Variants in ZFHX3 observed in about 807,000 individuals in gnomAD.
ZFHX3 encodes the protein zinc finger homeobox 3, also known as zinc finger homeobox protein 3.
ZFHX3 carries 42 observed loss-of-function variants against 279.1 expected under a neutral mutation model. The ratio of observed to expected loss-of-function variants is 0.15; its 90% CI spans 0.12 to 0.19. The LOEUF (loss-of-function observed/expected upper bound fraction) is 0.19, where lower values mean the gene tolerates loss of function less well. ZFHX3 is among the 10% of genes least tolerant of loss of function. The pLI is 1.00. For missense variants in ZFHX3, 4,981 were observed against 4,754.0 expected (o/e 1.05, Z -1.40); for synonymous variants, 2,293 against 1,957.8 (o/e 1.17, Z -4.52).
At chr16:73,049,313 G>A (rs1209605555), upstream of ZFHX3, among the ~76,000 whole-genome samples, 1 of 152,196 alleles carries the variant, frequency 6.6e-6, no homozygotes, top group Non-Finnish European at 1.5e-5. Context: ...TTACAGCCTG[G>A]AGAGTCTTTT....
intron 2 of ZFHX3, among the ~76,000 whole-genome samples, chr16:73,601,534 C>G (rs1417891473): frequency 6.6e-6 from 1 of 151,430 alleles, no homozygotes; most frequent in African/African-American, 2.4e-5. Flanking sequence ...TTTTACTTTC[C>G]TTTTTCTTCA....
intron 5 of ZFHX3, among the ~76,000 whole-genome samples, chr16:73,236,651 A>G (rs2012959333): frequency 6.6e-6 from 1 of 152,222 alleles, no homozygotes; most frequent in African/African-American, 2.4e-5. Context: ...ACAAAGGGTC[A>G]TAACTGGGAA....
chr16:73,784,694 C>A (rs9922022), intron 1 of ZFHX3, among the ~76,000 whole-genome samples: 26 of 151,200 alleles, frequency 1.7e-4, no homozygotes, highest in Non-Finnish European at 3.5e-4. Context: ...TTGCAGTGAG[C>A]CAAGATTGCT....
intron 7 of ZFHX3, among the ~76,000 whole-genome samples, chr16:73,115,707 GA>G (rs986501403): frequency 9.3e-4 from 142 of 152,248 alleles, no homozygotes; most frequent in African/African-American, 3.0e-3. Context: ...ACAATTATAG[GA>G]GGCACTGCTA....
chr16:73,735,911 T>G (rs140341968), intron 1 of ZFHX3, among the ~76,000 whole-genome samples: 1 of 11,480 alleles, frequency 8.7e-5, no homozygotes, highest in Non-Finnish European at 4.7e-4. Flanking sequence ...TTTTTTTTTT[T>G]TTTTTAATGC....
intron 5 of ZFHX3, among the ~76,000 whole-genome samples, chr16:73,218,184 A>G (rs1373575269): frequency 6.6e-6 from 1 of 152,216 alleles, no homozygotes; most frequent in East Asian, 1.9e-4. Flanking sequence ...AGGAGGCTAG[A>G]GACAGCACAT....
chr16:73,564,580 C>A (rs943100825), intron 2 of ZFHX3, among the ~76,000 whole-genome samples: 1 of 152,174 alleles, frequency 6.6e-6, no homozygotes. Context: ...GCATCCCTAC[C>A]CCAGCCAGAG....
At chr16:73,339,466 T>A (rs1193190897) in intron 3 of ZFHX3, among the ~76,000 whole-genome samples, 1 of 152,256 alleles carries the variant, frequency 6.6e-6, no homozygotes, top group Non-Finnish European at 1.5e-5. Flanking sequence ...TGGTTAATTG[T>A]TCCAAGCATG....
intron 2 of ZFHX3, among the ~76,000 whole-genome samples, chr16:73,551,363 G>A (rs2020202236): frequency 6.6e-6 from 1 of 152,088 alleles, no homozygotes; most frequent in Non-Finnish European, 1.5e-5. Context: ...AAGTACAAAT[G>A]AGCTAACTAA....
intron 3 of ZFHX3, among the ~76,000 whole-genome samples, chr16:72,915,365 A>T (rs1383510411): frequency 6.6e-6 from 1 of 152,206 alleles, no homozygotes; most frequent in Non-Finnish European, 1.5e-5. Flanking sequence ...CGCAGAACAC[A>T]TCAAACAGAA....
At chr16:73,649,801 C>G (rs932166404) in intron 2 of ZFHX3, among the ~76,000 whole-genome samples, 1 of 152,054 alleles carries the variant, frequency 6.6e-6, no homozygotes, top group African/African-American at 2.4e-5. Context: ...TAATGGTACT[C>G]AACATAGCAA....
At chr16:72,984,778 G>A (rs1962774187) in intron 1 of ZFHX3, among the ~76,000 whole-genome samples, 1 of 151,952 alleles carries the variant, frequency 6.6e-6, no homozygotes, top group Non-Finnish European at 1.5e-5. Flanking sequence ...TGGGGCGAAG[G>A]GGCTAAACCT....
intron 2 of ZFHX3, among the ~76,000 whole-genome samples, chr16:73,562,532 C>G (rs2020386072): frequency 6.8e-6 from 1 of 146,676 alleles, no homozygotes; most frequent in Non-Finnish European, 1.5e-5. Context: ...GGAGGCGGAG[C>G]TTGCAGTGAC....
intron 5 of ZFHX3, among the ~76,000 whole-genome samples, chr16:73,216,874 TC>T (rs2012228330): frequency 6.6e-6 from 1 of 152,210 alleles, no homozygotes; most frequent in African/African-American, 2.4e-5. Context: ...GAGTTCAGCT[TC>T]CTGAACAACG....
chr16:73,729,579 G>A (rs1465903824), intron 1 of ZFHX3, among the ~76,000 whole-genome samples: 4 of 151,190 alleles, frequency 2.6e-5, no homozygotes, highest in Non-Finnish European at 4.4e-5. Flanking sequence ...AAACCTGGGC[G>A]ATTTCCCAGA....
chr16:73,644,429 G>T (rs754911478), intron 2 of ZFHX3, among the ~76,000 whole-genome samples: 1 of 152,206 alleles, frequency 6.6e-6, no homozygotes, highest in East Asian at 1.9e-4. Context: ...GGAGGCAGAG[G>T]GGGGCAGATT....
chr16:73,850,732 G>C (rs932637742), intron 1 of ZFHX3, among the ~76,000 whole-genome samples: 1 of 150,060 alleles, frequency 6.7e-6, no homozygotes, highest in Non-Finnish European at 1.5e-5. Context: ...CGTGGCTTGA[G>C]AGATCTAACT....
chr16:72,949,624 A>G (rs996235030), intron 3 of ZFHX3, among the ~76,000 whole-genome samples: 1 of 152,088 alleles, frequency 6.6e-6, no homozygotes, highest in African/African-American at 2.4e-5. Context: ...GGAGAGAAAG[A>G]ATAAATGGAC....
intron 2 of ZFHX3, among the ~76,000 whole-genome samples, chr16:73,494,413 A>C (rs982423718): frequency 6.6e-6 from 1 of 152,168 alleles, no homozygotes; most frequent in East Asian, 1.9e-4. Context: ...TCTATTTTCT[A>C]GGTTGAATCA....
Sources: allele counts gnomAD v4.1 joint callset (sites outside exome capture counted in the v4.1 genomes callset), GRCh38; gene constraint gnomAD v4.1.1; transcripts MANE v1.5; gene names NCBI Gene and HGNC (gene_info 2026-07-23, HGNC 2026-07-21).